TNP2: variants seen among roughly 807,000 people sequenced by gnomAD.
TNP2 encodes the protein transition protein 2.
Under a neutral mutation model 8.5 loss-of-function variants are expected in TNP2, and 10 were observed. The observed-to-expected ratio is 1.17, with a 90% confidence interval of 0.72 to 1.99. The LOEUF (loss-of-function observed/expected upper bound fraction) is 1.99, where lower values mean the gene tolerates loss of function less well. Among genes scored for constraint, TNP2 ranks in the 30% most tolerant of loss-of-function variants. The probability of loss-of-function intolerance (pLI) is 0.00; values close to 1 mark genes in which losing one functional copy is unlikely to be tolerated. For missense variants in TNP2, 222 were observed against 181.2 expected (o/e 1.23, Z -1.29); for synonymous variants, 80 against 62.3 (o/e 1.28, Z -1.34).
rs1201592939 is a variant in TNP2, at chr16:11,268,966, G to A, written c.297C>T (p.His99=). The change falls in exon 1 of 2, where the codon CAC becomes CAT. Residue 99 remains histidine, a synonymous_variant. Coordinates refer to ENST00000312693, the MANE Select transcript of TNP2 (RefSeq NM_005425.5). The stretch of plus-strand genomic sequence containing the variant: ...TCTTTCTGTTCTTGGGGCAGCGGCA[G>A]TGCAGGATGGTGGGCCGCATGGGAG... ...HHSPMRPTIL[H]CRCPKNRKNL... 2 of 1,613,950 alleles carry A rather than the reference G, an allele frequency of 1.2e-6. No individual in the cohort carries two copies. Among genetic ancestry groups the A allele is most frequent in the South Asian group, 1.1e-5 (1 of 91,082 alleles).
At chr16:11,268,195 TC>T (rs1446524255) in intron 1 of TNP2, 183 bp from the exon 2 acceptor site, 3 of 562,012 alleles carry the variant, frequency 5.3e-6, no homozygotes, top group Non-Finnish European at 9.5e-6. Flanking sequence ...CATCCATTTA[TC>T]CCTTCCATTT....
chr16:11,268,251 A>G (rs961512618), intron 1 of TNP2: 4 of 487,940 alleles, frequency 8.2e-6, no homozygotes, highest in African/African-American at 1.9e-5. Flanking sequence ...TCATTTATTC[A>G]ACATTTCTTT....
Position 11,269,241 on chromosome 16 carries a change from G to T in TNP2, c.22C>A (p.Leu8Ile), listed in dbSNP as rs200681813. ...TGGAGCTGAGTGTGGGTGATAGGAA[G>T]GCTGTGAGTCTGGGTGTCCATAGGA... MDTQTHS[L>I]PITHTQLHSN... is the part of the protein sequence containing the mutation. Residue 8 changes from leucine to isoleucine, a missense_variant, in exon 1 of 2, where the codon CTT becomes ATT. Coordinates refer to ENST00000312693, the MANE Select transcript of TNP2 (RefSeq NM_005425.5). 11 of 1,603,242 alleles carry T rather than the reference G, an allele frequency of 6.9e-6. No homozygotes were observed. In the East Asian group the frequency reaches 2.5e-4, roughly 36 times the overall value.
intron 1 of TNP2, chr16:11,268,619 C>T: frequency 2.1e-6 from 1 of 475,806 alleles, no homozygotes. Context: ...TTCATGCTTT[C>T]ATCTAGCTTA....
rs1423729205 is a variant in TNP2 at position 11,269,172 on chromosome 16, G to C, written c.91C>G (p.Gln31Glu). 1 of 1,613,418 alleles carries C rather than the reference G, an allele frequency of 6.2e-7. No homozygotes were observed. The highest frequency in any genetic ancestry group is 8.5e-7 in the Non-Finnish European group (1 of 1,179,896). The part of the protein sequence containing the change: ...PQSRTCTRHC[Q>E]TFSQSCRQSH... ...TGTCTGCAACTCTGGCTGAAGGTTT[G>C]GCAATGGCGGGTGCAGGTGCGGCTT... The change falls in exon 1 of 2, where the codon CAA (glutamine) becomes GAA (glutamate). Residue 31 changes from glutamine to glutamate, a missense_variant. Gln to Glu is a conservative substitution (Grantham distance 29). Transcript: ENST00000312693.
In TNP2 at chr16:11,269,227, G is replaced by A. The variant is rs929568907; in HGVS notation, c.36C>T (p.His12=). ...GCTGAGAGTTGCTATGGAGCTGAGT[G>A]TGGGTGATAGGAAGGCTGTGAGTCT... The part of the protein sequence containing the change: ...DTQTHSLPIT[H]TQLHSNSQPQ... Residue 12 remains histidine, a synonymous_variant, in exon 1 of 2, where the codon CAC becomes CAT. Coordinates refer to ENST00000312693, the MANE Select transcript of TNP2 (RefSeq NM_005425.5). The A allele has an allele frequency of 4.4e-6, 7 of 1,605,664 alleles. No homozygotes were observed. Among genetic ancestry groups the A allele is most frequent in the Non-Finnish European group, 5.1e-6 (6 of 1,179,832 alleles).
At chr16:11,268,596 C>T in intron 1 of TNP2, 1 of 444,556 alleles carries the variant, frequency 2.2e-6, no homozygotes, top group Non-Finnish European at 3.9e-6. Flanking sequence ...ATCCACCCAA[C>T]CTCTCAACTC....
rs200686074 is a variant in TNP2 at position 11,268,948 on chromosome 16, G to A, written c.315C>T (p.Asn105=). 3.9e-4 allele frequency: 624 copies of A among 1,613,410 alleles called. No homozygotes were observed. The highest frequency in any genetic ancestry group is 1.7e-3 in the Middle Eastern group (10 of 6,056). Reference sequence around the variant, plus strand: ...TCAGCTTGCCTTCCAAGTTCTTTCTGTTCTTGGGGCAGCGGCAGTGCAGGA... The same window carrying A: ...TCAGCTTGCCTTCCAAGTTCTTTCTATTCTTGGGGCAGCGGCAGTGCAGGA... ...PTILHCRCPK[N]RKNLEGKLKK... The change falls in exon 1 of 2, where the codon AAC becomes AAT. Residue 105 remains asparagine (N), a synonymous_variant. Coordinates refer to ENST00000312693, the MANE Select transcript of TNP2 (RefSeq NM_005425.5).
chr16:11,268,077 T>C lies in TNP2; in HGVS notation c.401-65A>G, dbSNP rs372694225. Reference sequence around the variant, plus strand: ...GCACTTCATGAAGTCAGTGACCTCCTTGACCTCCTGTAAGGTCTTACAACT... The same window carrying C: ...GCACTTCATGAAGTCAGTGACCTCCCTGACCTCCTGTAAGGTCTTACAACT... On this transcript the variant is annotated intron_variant, in intron 1 of 1. Coordinates refer to ENST00000312693, the MANE Select transcript of TNP2 (RefSeq NM_005425.5). The C allele has an allele frequency of 5.3e-6, 8 of 1,512,132 alleles. No homozygotes were observed. In the East Asian group the frequency reaches 6.8e-5, roughly 13 times the overall value. The allele number at this position is 1,512,132 out of a possible 1,614,324, so 93.7% of individuals were successfully genotyped here. A position where few individuals can be genotyped will look rare whatever the true frequency, so the allele number is the denominator to read the frequency against.
At chr16:11,268,700 A>G (rs369214606) in intron 1 of TNP2, 163 bp downstream of exon 1, 11 of 712,536 alleles carry the variant, frequency 1.5e-5, no homozygotes, top group Admixed American at 7.3e-5. Flanking sequence ...CCGTCAATGT[A>G]TCATACATTC....
At position 11,268,916 on chromosome 16, in the gene TNP2, T is replaced by G. The variant is rs2069746422; in HGVS notation, c.347A>C (p.Lys116Thr). Residue 116 changes from lysine (K) to threonine (T), a missense_variant, in exon 1 of 2, where the codon AAA becomes ACA. Coordinates refer to ENST00000312693, the MANE Select transcript of TNP2 (RefSeq NM_005425.5). ...RKNLEGKLKKKKMAKRIQQVY... is the reference protein window; with the variant it reads ...RKNLEGKLKKTKMAKRIQQVY... The stretch of plus-strand genomic sequence containing the variant: ...CTGCTGGATCCTCTTGGCCATTTTT[T>G]TCTTTTTCAGCTTGCCTTCCAAGTT... The G allele has an allele frequency of 6.2e-7, 1 of 1,607,956 alleles. No homozygotes were observed. The highest frequency in any genetic ancestry group is 8.5e-7 in the Non-Finnish European group (1 of 1,178,046).
At chr16:11,268,732 T>G in intron 1 of TNP2, 131 bp downstream of exon 1, 1 of 997,962 alleles carries the variant, frequency 1.0e-6, no homozygotes, top group Non-Finnish European at 1.4e-6. Flanking sequence ...TGCCATTGTT[T>G]CTCTTCTCCC....
chr16:11,268,290 T>G, intron 1 of TNP2: 1 of 407,420 alleles, frequency 2.5e-6, no homozygotes, highest in South Asian at 3.2e-5. Flanking sequence ...TCTAGATATC[T>G]ATTCTTCTCT....
Position 11,269,189 on chromosome 16 carries a change from G to A in TNP2, c.74C>T (p.Thr25Ile), listed in dbSNP as rs552815219. The A allele has an allele frequency of 1.2e-6, 2 of 1,611,902 alleles. No homozygotes were observed. The highest frequency in any genetic ancestry group is 1.3e-5 in the African/African-American group (1 of 75,062). The change falls in exon 1 of 2, where the codon ACC (threonine) becomes ATC (isoleucine). Residue 25 changes from threonine (T) to isoleucine (I), a missense_variant. Coordinates refer to ENST00000312693, the MANE Select transcript of TNP2 (RefSeq NM_005425.5). ...LHSNSQPQSR[T>I]CTRHCQTFSQ... ...GAAGGTTTGGCAATGGCGGGTGCAG[G>A]TGCGGCTTTGGGGCTGAGAGTTGCT...
chr16:11,269,315 C>T lies in TNP2; in HGVS notation c.-53G>A. ...CTCCTCCTCATCCTCTCCCAGCAGG[C>T]CTAGCTTTACAGAGGCCCTGGCAGC... On this transcript the variant is annotated 5_prime_UTR_variant, in exon 1 of 2. Coordinates refer to ENST00000312693, the MANE Select transcript of TNP2 (RefSeq NM_005425.5). 1.3e-6 allele frequency: 2 copies of T among 1,550,252 alleles called. No homozygotes were observed. The highest frequency in any genetic ancestry group is 8.7e-7 in the Non-Finnish European group (1 of 1,155,500).
chr16:11,268,217 C>T, intron 1 of TNP2: 1 of 529,984 alleles, frequency 1.9e-6, no homozygotes, highest in Non-Finnish European at 3.4e-6. Context: ...GTCATCCACC[C>T]ATTCATTAGT....
chr16:11,268,288 T>C (rs985446292), intron 1 of TNP2: 1 of 408,330 alleles, frequency 2.4e-6, no homozygotes, highest in Admixed American at 4.2e-5. Context: ...AGTCTAGATA[T>C]CTATTCTTCT....
Position 11,269,155 on chromosome 16 carries a change from A to G in TNP2, c.108T>C (p.Ser36=), listed in dbSNP as rs746524377. 2 of 1,613,384 alleles carry G rather than the reference A, an allele frequency of 1.2e-6. No individual in the cohort carries two copies. Among genetic ancestry groups the G allele is most frequent in the Admixed American group, 3.3e-5 (2 of 59,994 alleles). The change falls in exon 1 of 2, where the codon AGT becomes AGC. Residue 36 remains serine (S), a synonymous_variant. Transcript: ENST00000312693. Reference sequence around the variant, plus strand: ...GGCTGCCACGATGGCTCTGTCTGCAACTCTGGCTGAAGGTTTGGCAATGGC... The same window carrying G: ...GGCTGCCACGATGGCTCTGTCTGCAGCTCTGGCTGAAGGTTTGGCAATGGC... ...CTRHCQTFSQ[S]CRQSHRGSRS...
rs896878077 is a variant in TNP2, at chr16:11,268,702, C to T, written c.400+161G>A. ...TCAAAGAGACTTTCCGTCAATGTAT[C>T]ATACATTCAGCTAGCCAACTGCCAT... On this transcript the variant is annotated intron_variant, in intron 1 of 1. Transcript: ENST00000312693. The T allele has an allele frequency of 8.2e-6, 6 of 733,082 alleles. No individual in the cohort carries two copies. The African/African-American group carries it at 8.9e-5, about 11-fold the overall frequency. 45.4% of individuals were successfully genotyped at this position (733,082 alleles called of 1,614,324 possible). A position where few individuals can be genotyped will look rare whatever the true frequency, so the allele number is the denominator to read the frequency against.
Sources: allele counts gnomAD v4.1 joint callset, GRCh38; gene constraint gnomAD v4.1.1; transcripts MANE v1.5; gene names NCBI Gene and HGNC (gene_info 2026-07-23, HGNC 2026-07-21).